The following MINDY4 variants were observed in gnomAD, a reference collection of about 807,000 sequenced individuals.
The protein encoded by MINDY4 is probable ubiquitin carboxyl-terminal hydrolase MINDY-4.
Under a neutral mutation model 87.0 loss-of-function variants are expected in MINDY4, and 68 were observed. The ratio of observed to expected loss-of-function variants is 0.78; its 90% confidence interval spans 0.64 to 0.96. MINDY4 has a LOEUF of 0.96. Ranked by LOEUF, MINDY4 falls within the 40% of genes least tolerant of loss-of-function variation. The pLI is 0.00. For missense variants in MINDY4, 919 were observed against 928.2 expected, an observed-to-expected ratio of 0.99 and a Z score of 0.13; for synonymous variants, 379 against 363.2, an observed-to-expected ratio of 1.04 and a Z score of -0.50.
intron 5 of MINDY4, among the ~76,000 whole-genome samples, chr7:30,822,382 G>A (rs1047350840): frequency 6.2e-4 from 94 of 152,084 alleles, no homozygotes; most frequent in African/African-American, 2.1e-3. Flanking sequence ...TGTTGCCCAG[G>A]CTGGCCTCAA....
chr7:30,859,434 T>G, intron 13 of MINDY4, 110 bp downstream of exon 13: 1 of 1,030,226 alleles, frequency 9.7e-7, no homozygotes, highest in African/African-American at 1.6e-5. Flanking sequence ...GCTCTGTGAG[T>G]ATTGTGGAAA....
In MINDY4 at chr7:30,857,407, T is replaced by C. The variant is rs113292093; in HGVS notation, c.1678-1850T>C. ...TCTCCCAGCCTTTTCAAGGTGCTTA[T>C]TGTTTTTTCTTCCCTAAGTTATTTC... On this transcript the variant is annotated intron_variant, in intron 12 of 17. Coordinates refer to ENST00000265299, the MANE Select transcript of MINDY4 (RefSeq NM_032222.3). Among the ~76,000 whole-genome samples, 785 of 152,200 alleles carry C rather than the reference T, an allele frequency of 5.2e-3. 3 individuals are homozygous for C. Among genetic ancestry groups the C allele is most frequent in the Middle Eastern group, 0.031 (9 of 294 alleles).
chr7:30,817,399 T>TA (rs1410388853), intron 5 of MINDY4, among the ~76,000 whole-genome samples: 7 of 148,774 alleles, frequency 4.7e-5, no homozygotes, highest in African/African-American at 1.5e-4. Context: ...CATTCTACAT[T>TA]AAAAAAATTT....
rs377460893 is a variant in MINDY4, at chr7:30,785,878, C to T, written c.549C>T (p.Asp183=). The T allele has an allele frequency of 7.4e-6, 12 of 1,614,110 alleles. No homozygotes were observed. Among genetic ancestry groups the T allele is most frequent in the African/African-American group, 1.3e-5 (1 of 74,932 alleles). ...PVLTSAWEKI[D]KLHSEPSLDV... The stretch of plus-strand genomic sequence containing the variant: ...TGACTTCTGCATGGGAGAAGATAGA[C>T]AAGCTTCACTCGGAGCCTTCCTTGG... The change falls in exon 4 of 18, where the codon GAC becomes GAT. Residue 183 remains aspartate, a synonymous_variant. Transcript: ENST00000265299.
chr7:30,783,170 A>C (rs898531409), intron 3 of MINDY4, among the ~76,000 whole-genome samples: 2 of 152,066 alleles, frequency 1.3e-5, no homozygotes, highest in Non-Finnish European at 2.9e-5. Context: ...CTGAGGGGAA[A>C]ATCCATTTTC....
rs779204993 is a variant in MINDY4, at chr7:30,875,517, C to T, written c.1832C>T (p.Thr611Ile). The change falls in exon 15 of 18, where the codon ACT becomes ATT. Residue 611 changes from threonine (T) to isoleucine (I), a missense_variant. By Grantham distance (89) the Thr-to-Ile change is moderately conservative (BLOSUM62 -1). Transcript: ENST00000265299. ...CAGGAACTTGTCAATCTGCTCCTGACTGGGAAAGCTGTGTCCAACGTTTTC... is the reference window on the plus strand; with the variant it reads ...CAGGAACTTGTCAATCTGCTCCTGATTGGGAAAGCTGTGTCCAACGTTTTC... ...CTQELVNLLL[T>I]GKAVSNVFND... 60 of 1,614,114 alleles carry T rather than the reference C, an allele frequency of 3.7e-5. 2 individuals are homozygous for T. In the Middle Eastern group the frequency reaches 9.9e-4, roughly 27 times the overall value.
intron 5 of MINDY4, among the ~76,000 whole-genome samples, chr7:30,827,325 G>A (rs1788543107): frequency 6.6e-6 from 1 of 152,114 alleles, no homozygotes. Flanking sequence ...AGTGACAGAC[G>A]GGATAGGCAG....
At chr7:30,832,251 C>T (rs1348829650) in intron 6 of MINDY4, among the ~76,000 whole-genome samples, 2 of 152,308 alleles carry the variant, frequency 1.3e-5, no homozygotes, top group East Asian at 3.9e-4. Context: ...CAACCTCAGA[C>T]TAAATAGAAA....
chr7:30,868,088 T>A (rs1414892038), intron 13 of MINDY4, among the ~76,000 whole-genome samples: 2 of 152,220 alleles, frequency 1.3e-5, no homozygotes, highest in Non-Finnish European at 2.9e-5. Flanking sequence ...GGACTTACTT[T>A]CCTTCTTATT....
intron 13 of MINDY4, among the ~76,000 whole-genome samples, chr7:30,862,628 A>G (rs1172933303): frequency 6.6e-6 from 1 of 152,196 alleles, no homozygotes; most frequent in African/African-American, 2.4e-5. Flanking sequence ...TTCTCTACAG[A>G]CATTTGGACA....
At chr7:30,822,627 T>TTTATTTA (rs371454713) in intron 5 of MINDY4, among the ~76,000 whole-genome samples, 6,216 of 145,632 alleles carry the variant, frequency 0.043, 209 homozygotes, top group East Asian at 0.15. Context: ...TGCCTGTCTA[T>TTTATTTA]TTTATTTATT....
intron 14 of MINDY4, among the ~76,000 whole-genome samples, chr7:30,874,132 T>G (rs1790192067): frequency 6.6e-6 from 1 of 152,236 alleles, no homozygotes; most frequent in Non-Finnish European, 1.5e-5. Flanking sequence ...CGTGCTCCAC[T>G]GTGGGAGTGA....
chr7:30,884,204 G>A lies in MINDY4; in HGVS notation c.2225+1211G>A, dbSNP rs1469118244. Reference sequence around the variant, plus strand: ...GGAAAGCGAGCCCTTGAGAGGAGCTGCAGAGAAAGAGAAATGTTCACATGG... The same window carrying A: ...GGAAAGCGAGCCCTTGAGAGGAGCTACAGAGAAAGAGAAATGTTCACATGG... On this transcript the variant is annotated intron_variant, in intron 17 of 17. Transcript: ENST00000265299. 2.0e-5 allele frequency among the ~76,000 whole-genome samples: 3 copies of A among 152,296 alleles called. No homozygotes were observed. The East Asian group carries it at 5.8e-4, about 29-fold the overall frequency.
intron 3 of MINDY4, 126 bp downstream of exon 3, chr7:30,782,338 A>T (rs201174256): frequency 4.7e-6 from 3 of 642,904 alleles, no homozygotes; most frequent in Non-Finnish European, 7.6e-6. Flanking sequence ...CTGTGTGTGT[A>T]TGTTTGTGTG....
chr7:30,786,485 G>T, intron 4 of MINDY4: 1 of 161,598 alleles, frequency 6.2e-6, no homozygotes, highest in Non-Finnish European at 1.4e-5. Context: ...AAGTTAGGCA[G>T]GTGGGGTGAT....
chr7:30,778,894 A>T (rs975257807), intron 2 of MINDY4, among the ~76,000 whole-genome samples: 1 of 152,194 alleles, frequency 6.6e-6, no homozygotes, highest in Non-Finnish European at 1.5e-5. Context: ...AGAATATCGT[A>T]TCCAGTTATA....
At chr7:30,858,630 A>G (rs1042429566) in intron 12 of MINDY4, 1 of 148,694 alleles carries the variant, frequency 6.7e-6, no homozygotes, top group Non-Finnish European at 1.5e-5. Flanking sequence ...TGAACAAAAT[A>G]CCAAAATGTT....
intron 10 of MINDY4, among the ~76,000 whole-genome samples, chr7:30,851,283 C>G (rs1481001023): frequency 1.3e-5 from 2 of 152,164 alleles, no homozygotes; most frequent in Non-Finnish European, 2.9e-5. Context: ...AGGTCAGACT[C>G]CCAATGCTGT....
chr7:30,865,191 A>G (rs1789894795), intron 13 of MINDY4, among the ~76,000 whole-genome samples: 2 of 152,038 alleles, frequency 1.3e-5, no homozygotes, highest in African/African-American at 4.8e-5. Context: ...GCCCTCTCTC[A>G]CCTGAATCTT....
Sources: gnomAD v4.1 joint callset for allele counts (sites outside exome capture counted in the v4.1 genomes callset) on GRCh38, gnomAD v4.1.1 for gene constraint, MANE v1.5 for transcripts, NCBI Gene and HGNC (gene_info 2026-07-23, HGNC 2026-07-21) for gene names.